VPS51: variants seen among roughly 807,000 people sequenced by gnomAD.
VPS51 encodes VPS51 subunit of GARP complex.
In VPS51, 55 loss-of-function variants were observed where a neutral mutation model predicts 65.1. The ratio of observed to expected loss-of-function variants is 0.84; its 90% confidence interval spans 0.68 to 1.06. The LOEUF (loss-of-function observed/expected upper bound fraction) is 1.06. Among genes scored for constraint, VPS51 ranks in the 50% least tolerant of loss-of-function variants. The pLI is 0.00. For missense variants in VPS51, 943 were observed against 1,101.6 expected, an observed-to-expected ratio of 0.86 and a Z score of 2.04; for synonymous variants, 473 against 489.5, an observed-to-expected ratio of 0.97 and a Z score of 0.44.
chr11:65,103,330 C>G (rs1185429563), intron 2 of VPS51, among the ~76,000 whole-genome samples: 3 of 152,226 alleles, frequency 2.0e-5, no homozygotes, highest in Non-Finnish European at 4.4e-5. Context: ...ATAGATGTTT[C>G]ACATCATGTG....
In VPS51 at chr11:65,096,319, G is replaced by A. The variant is rs184045929; in HGVS notation, c.69G>A (p.Glu23=). ...SGPGDSPEGP[E]GEAPERRRKA... Reference sequence around the variant, plus strand: ...CTGGGGACTCCCCAGAAGGGCCCGAGGGGGAGGCTCCGGAGCGTCGGCGGA... The same window carrying A: ...CTGGGGACTCCCCAGAAGGGCCCGAAGGGGAGGCTCCGGAGCGTCGGCGGA... Residue 23 remains glutamate, a synonymous_variant, in exon 1 of 10, where the codon GAG becomes GAA. Transcript: ENST00000279281. 3 of 1,510,102 alleles carry A rather than the reference G, an allele frequency of 2.0e-6. No homozygotes were observed. In the Admixed American group the frequency reaches 7.8e-5, roughly 39 times the overall value. The allele number at this position is 1,510,102 out of a possible 1,614,324, so 93.5% of individuals were successfully genotyped here. A position where few individuals can be genotyped will look rare whatever the true frequency, so the allele number is the denominator to read the frequency against.
In VPS51 at chr11:65,108,000, C is replaced by A. The variant is rs1243240772; in HGVS notation, c.703C>A (p.Gln235Lys). The change falls in exon 4 of 10, where the codon CAG (glutamine) becomes AAG (lysine). Residue 235 changes from glutamine to lysine, a missense_variant. This residue lies in a region of VPS51 where 855 missense variants were observed against 953.7 expected (regional missense o/e 0.90). Coordinates refer to ENST00000279281, the MANE Select transcript of VPS51 (RefSeq NM_013265.4). The surrounding 1 kb of genome is among the most constrained non-coding windows in gnomAD (Gnocchi z 4.0). ...CCAGGTCATCACGGCCCGCCTGGCC[C>A]AGCAGCTGCGGCAGCGCTTTAGGTG... ...DCQVITARLAQQLRQRFREGG... is the reference protein window; with the variant it reads ...DCQVITARLAKQLRQRFREGG... 2 of 1,542,356 alleles carry A rather than the reference C, an allele frequency of 1.3e-6. No individual in the cohort carries two copies. The highest frequency in any genetic ancestry group is 2.4e-5 in the East Asian group (1 of 41,356).
At chr11:65,105,216 A>C (rs1337375507) in intron 2 of VPS51, among the ~76,000 whole-genome samples, 1 of 152,000 alleles carries the variant, frequency 6.6e-6, no homozygotes, top group Non-Finnish European at 1.5e-5. Context: ...AACATGGTGA[A>C]ACCCTCTCTA....
In VPS51 at chr11:65,111,374, G is replaced by T. The variant is rs1365008822; in HGVS notation, c.2136G>T (p.Leu712=). The T allele has an allele frequency of 1.2e-6, 2 of 1,611,216 alleles. No homozygotes were observed. The highest frequency in any genetic ancestry group is 1.7e-6 in the Non-Finnish European group (2 of 1,180,018). The change falls in exon 10 of 10, where the codon CTG becomes CTT. Residue 712 remains leucine (L), a synonymous_variant. Coordinates refer to ENST00000279281, the MANE Select transcript of VPS51 (RefSeq NM_013265.4). ...GIIKISLKTL[L]ECVRLRTFGR... ...TCAAGATCAGCCTGAAGACGCTGCT[G>T]GAGTGTGTGCGGCTGCGCACCTTTG...
chr11:65,108,571 T>C lies in VPS51; in HGVS notation c.1100T>C (p.Leu367Pro). Residue 367 changes from leucine (L) to proline (P), a missense_variant, in exon 5 of 10, where the codon CTG becomes CCG. Transcript: ENST00000279281. ...GAGCAGGGTGGTGGTGACAACTCAC[T>C]GCTGGTGCGGGCGCTGGACCGCTTC... ...AQEQGGGDNS[L>P]LVRALDRFHR... is the part of the protein sequence containing the mutation. 1 of 1,556,854 alleles carries C rather than the reference T, an allele frequency of 6.4e-7. No individual in the cohort carries two copies. The highest frequency in any genetic ancestry group is 8.6e-7 in the Non-Finnish European group (1 of 1,158,214).
intron 2 of VPS51, among the ~76,000 whole-genome samples, chr11:65,106,396 T>C (rs1235131526): frequency 1.3e-5 from 2 of 152,184 alleles, no homozygotes; most frequent in Non-Finnish European, 2.9e-5. Flanking sequence ...AAGCAAGGCA[T>C]CTTCTTCACA....
Position 65,097,052 on chromosome 11 carries a change from C to T in VPS51, c.283C>T (p.Arg95Trp), listed in dbSNP as rs1197646396. The change falls in exon 2 of 10, where the codon CGG (arginine) becomes TGG (tryptophan). Residue 95 changes from arginine to tryptophan, a missense_variant. Arg to Trp is a moderately radical substitution (Grantham distance 101). This residue lies in a region of VPS51 where 855 missense variants were observed against 953.7 expected (regional missense o/e 0.90). Transcript: ENST00000279281. ...GATGGACAGTGAGACGGACATGGTG[C>T]GGCAGATCCGGGCTCTAGACAGCGA... ...QLMDSETDMV[R>W]QIRALDSDMQ... 3 of 1,613,820 alleles carry T rather than the reference C, an allele frequency of 1.9e-6. No homozygotes were observed. Among genetic ancestry groups the T allele is most frequent in the Middle Eastern group, 1.6e-4 (1 of 6,062 alleles).
intron 2 of VPS51, among the ~76,000 whole-genome samples, chr11:65,105,664 C>T (rs1947836931): frequency 6.6e-6 from 1 of 152,168 alleles, no homozygotes; most frequent in Non-Finnish European, 1.5e-5. Flanking sequence ...GGCTGAGTCC[C>T]CAAGCCTGCC....
In VPS51 at chr11:65,111,764, G is replaced by C; in HGVS notation, c.*177G>C. 1 of 1,189,154 alleles carries C rather than the reference G, an allele frequency of 8.4e-7. No homozygotes were observed. The highest frequency in any genetic ancestry group is 1.1e-6 in the Non-Finnish European group (1 of 875,038). The allele number at this position is 1,189,154 out of a possible 1,614,324, so 73.7% of individuals were successfully genotyped here. ...GCGGGGTTTTGAAGCTGAGGCTTCT[G>C]AGGCGCCCGCGTCGGGTCCGCCCCC... On this transcript the variant is annotated 3_prime_UTR_variant, in exon 10 of 10. Transcript: ENST00000279281.
intron 4 of VPS51, 84 bp from the exon 5 acceptor site, chr11:65,108,113 G>C (rs142353839): frequency 6.5e-7 from 1 of 1,537,182 alleles, no homozygotes; most frequent in Non-Finnish European, 8.7e-7. Flanking sequence ...CTGTCCCCCT[G>C]CCCTGTGTGT....
Position 65,096,356 on chromosome 11 carries a change from A to G in VPS51, c.106A>G (p.Met36Val), listed in dbSNP as rs1269620910. The change falls in exon 1 of 10, where the codon ATG becomes GTG. Residue 36 changes from methionine to valine, a missense_variant. By Grantham distance (21) the Met-to-Val change is conservative. Transcript: ENST00000279281. The part of the protein sequence containing the change: ...APERRRKAHG[M>V]LKLYYGLSEG... ...GGAGCGTCGGCGGAAGGCGCACGGG[A>G]TGCTGAAGCTTTACTACGGCCTCTC... is the stretch of plus-strand genomic sequence containing the variant. 9.1e-6 allele frequency: 14 copies of G among 1,531,542 alleles called. No individual in the cohort carries two copies. The highest frequency in any genetic ancestry group is 1.1e-5 in the Non-Finnish European group (13 of 1,146,738). 94.9% of individuals were successfully genotyped at this position (1,531,542 alleles called of 1,614,324 possible).
chr11:65,106,750 CAA>C (rs34281986), intron 2 of VPS51, among the ~76,000 whole-genome samples: 6 of 131,670 alleles, frequency 4.6e-5, no homozygotes, highest in Non-Finnish European at 7.9e-5. Flanking sequence ...GACTCAGTCT[CAA>C]AAAAAAAAAA....
intron 2 of VPS51, among the ~76,000 whole-genome samples, chr11:65,106,062 C>G (rs1004330627): frequency 3.9e-5 from 6 of 152,192 alleles, no homozygotes; most frequent in African/African-American, 1.4e-4. Flanking sequence ...TCTCCTGTTA[C>G]AGATACACAT....
rs55814629 is a variant in VPS51, at chr11:65,102,882, C to T, written c.359-4699C>T. Among the ~76,000 whole-genome samples the T allele has an allele frequency of 2.0e-3, 306 of 152,328 alleles. 2 individuals are homozygous for T. The highest frequency in any genetic ancestry group is 3.9e-3 in the Non-Finnish European group (264 of 68,032). On this transcript the variant is annotated intron_variant, in intron 2 of 9. Transcript: ENST00000279281. The stretch of plus-strand genomic sequence containing the variant: ...TCTTGCCAGGCACAGTGGCTCACTC[C>T]TGTGCTCCCAGCACTTTGGGAGGCT...
rs1167526468 is a variant in VPS51 at position 65,111,858 on chromosome 11, C to T, written c.*271C>T. 3 of 994,260 alleles carry T rather than the reference C, an allele frequency of 3.0e-6. No individual in the cohort carries two copies. The highest frequency in any genetic ancestry group is 1.5e-5 in the South Asian group (1 of 68,122). 61.6% of individuals were successfully genotyped at this position (994,260 alleles called of 1,614,324 possible). A position where few individuals can be genotyped will look rare whatever the true frequency, so the allele number is the denominator to read the frequency against. On this transcript the variant is annotated 3_prime_UTR_variant, in exon 10 of 10. Coordinates refer to ENST00000279281, the MANE Select transcript of VPS51 (RefSeq NM_013265.4). ...GCGGTTCCACTTAAAAACCCTGGGACGAGAGCGGTCCTTGTCTGCGTTCCG... is the reference window on the plus strand; with the variant it reads ...GCGGTTCCACTTAAAAACCCTGGGATGAGAGCGGTCCTTGTCTGCGTTCCG...
At chr11:65,109,192 T>G (rs1326720863) in intron 5 of VPS51, 88 bp from the exon 6 acceptor site, 2 of 1,401,560 alleles carry the variant, frequency 1.4e-6, no homozygotes, top group Admixed American at 3.9e-5. Flanking sequence ...CAGAGGGGGC[T>G]GGGGCACTTA....
Position 65,108,001 on chromosome 11 carries a change from A to G in VPS51, c.704A>G (p.Gln235Arg). The G allele has an allele frequency of 6.5e-7, 1 of 1,541,350 alleles. No homozygotes were observed. Among genetic ancestry groups the G allele is most frequent in the Non-Finnish European group, 8.7e-7 (1 of 1,145,082 alleles). ...CAGGTCATCACGGCCCGCCTGGCCC[A>G]GCAGCTGCGGCAGCGCTTTAGGTGT... ...DCQVITARLA[Q>R]QLRQRFREGG... is the part of the protein sequence containing the mutation. The change falls in exon 4 of 10, where the codon CAG (glutamine) becomes CGG (arginine). Residue 235 changes from glutamine (Q) to arginine (R), a missense_variant. Coordinates refer to ENST00000279281, the MANE Select transcript of VPS51 (RefSeq NM_013265.4).
At position 65,107,196 on chromosome 11, in the gene VPS51, T is replaced by C. The variant is rs1231100432; in HGVS notation, c.359-385T>C. The stretch of plus-strand genomic sequence containing the variant: ...GTATTGCCTCATCCAGGCAGTGCGC[T>C]GGACACGCAGATGCGCTTGGGAGCC... On this transcript the variant is annotated intron_variant, in intron 2 of 9. Coordinates refer to ENST00000279281, the MANE Select transcript of VPS51 (RefSeq NM_013265.4). This position sits in a 1 kb window ranked among gnomAD's most constrained non-coding sequence, Gnocchi z 4.0. The C allele has an allele frequency of 2.1e-6, 1 of 480,920 alleles. No individual in the cohort carries two copies. Among genetic ancestry groups the C allele is most frequent in the East Asian group, 6.2e-5 (1 of 16,004 alleles). 29.8% of individuals were successfully genotyped at this position (480,920 alleles called of 1,614,324 possible).
chr11:65,096,381 C>A lies in VPS51; in HGVS notation c.131C>A (p.Ser44Ter). The change falls in exon 1 of 10, where the codon TCG (serine) becomes TAG (stop). Residue 44 changes from serine to a stop codon, truncating the protein, a stop_gained. Transcript: ENST00000279281. LOFTEE classifies it high-confidence loss of function. ...ATGCTGAAGCTTTACTACGGCCTCT[C>A]GGAAGGGGAGGCGGCGGGACGCCCC... ...HGMLKLYYGLSEGEAAGRPAG... is the reference protein window; with the variant it reads ...HGMLKLYYGL 1 of 1,532,634 alleles carries A rather than the reference C, an allele frequency of 6.5e-7. No individual in the cohort carries two copies. The highest frequency in any genetic ancestry group is 8.7e-7 in the Non-Finnish European group (1 of 1,148,430). 94.9% of individuals were successfully genotyped at this position (1,532,634 alleles called of 1,614,324 possible).
Sources: allele counts gnomAD v4.1 joint callset (sites outside exome capture counted in the v4.1 genomes callset), GRCh38; gene constraint gnomAD v4.1.1; regional missense constraint gnomAD v4.1.1; non-coding constraint Gnocchi (gnomAD v3.1); transcripts MANE v1.5; gene names NCBI Gene and HGNC (gene_info 2026-07-23, HGNC 2026-07-21).